The following BLZF1 variants were observed in gnomAD, a reference collection of about 807,000 sequenced individuals.
BLZF1 encodes the protein golgin-45.
In BLZF1, 39 loss-of-function variants were observed where a neutral mutation model predicts 43.8. That is an observed-to-expected ratio of 0.89 (90% CI 0.69 to 1.16). The LOEUF is 1.16. BLZF1 is among the 50% of genes most tolerant of loss of function. BLZF1 has a pLI of 0.00. For synonymous variants in BLZF1, 136 were observed against 159.4 expected, an observed-to-expected ratio of 0.85 and a Z score of 1.11; for missense variants, 449 against 469.8, an observed-to-expected ratio of 0.96 and a Z score of 0.41.
chr1:169,386,941 T>G, intron 6 of BLZF1, 56 bp from the exon 7 acceptor site: 1 of 1,309,634 alleles, frequency 7.6e-7, no homozygotes, highest in South Asian at 1.4e-5. Flanking sequence ...CAATGAAATC[T>G]TAGGCTTTTA....
intron 2 of BLZF1, among the ~76,000 whole-genome samples, chr1:169,370,969 T>C (rs1356903929): frequency 1.3e-5 from 2 of 152,210 alleles, no homozygotes; most frequent in African/African-American, 4.8e-5. Flanking sequence ...GAGTTCTGCA[T>C]GCTAGAACCA....
intron 7 of BLZF1, among the ~76,000 whole-genome samples, chr1:169,394,227 T>C (rs1040386797): frequency 1.3e-5 from 2 of 152,206 alleles, no homozygotes; most frequent in African/African-American, 2.4e-5. Flanking sequence ...ATATAAAGCA[T>C]TTATAATACA....
At chr1:169,393,416 C>T (rs1362419538) in intron 7 of BLZF1, among the ~76,000 whole-genome samples, 2 of 151,192 alleles carry the variant, frequency 1.3e-5, no homozygotes, top group East Asian at 2.0e-4. Flanking sequence ...GGCGAAACCC[C>T]GTCTCTACTA....
At chr1:169,386,429 T>C (rs1654668253) in intron 6 of BLZF1, among the ~76,000 whole-genome samples, 1 of 152,000 alleles carries the variant, frequency 6.6e-6, no homozygotes, top group South Asian at 2.1e-4. Context: ...GTAAAAAAAC[T>C]GACCTCCTGG....
downstream of BLZF1, among the ~76,000 whole-genome samples, chr1:169,390,171 TC>T (rs1366261315): frequency 6.9e-6 from 1 of 144,050 alleles, no homozygotes; most frequent in Non-Finnish European, 1.5e-5. Context: ...GTGGCACACT[TC>T]TGCAACTGTT....
At position 169,382,345 on chromosome 1, in the gene BLZF1, TATC is replaced by T. The variant is rs1654551895; in HGVS notation, c.1017+67_1017+69del. 3 of 1,437,858 alleles carry T rather than the reference TATC, an allele frequency of 2.1e-6. No homozygotes were observed. The Admixed American group carries it at 5.5e-5, about 26-fold the overall frequency. 89.1% of individuals were successfully genotyped at this position (1,437,858 alleles called of 1,614,324 possible). On this transcript the variant is annotated intron_variant, in intron 6 of 6. Transcript: ENST00000367808. ...ACTGTCCTTTTACTGAAAGGTGACATATCATGGAAAGCATTTGGCATTAGGAAT... is the reference window on the plus strand; with the variant it reads ...ACTGTCCTTTTACTGAAAGGTGACATATGGAAAGCATTTGGCATTAGGAAT...
downstream of BLZF1, among the ~76,000 whole-genome samples, chr1:169,389,217 C>T (rs1654758109): frequency 6.6e-6 from 1 of 151,880 alleles, no homozygotes; most frequent in Non-Finnish European, 1.5e-5. Context: ...TTTCTTGAAC[C>T]TGGGAGGTGG....
rs1654029667 is a variant in BLZF1 at position 169,369,435 on chromosome 1, GATATTTTTAAAATTATTTCATATGC to G, written c.-50-34_-50-10del. The G allele has an allele frequency of 8.9e-7, 1 of 1,127,904 alleles. No individual in the cohort carries two copies. Among genetic ancestry groups the G allele is most frequent in the Non-Finnish European group, 1.3e-6 (1 of 781,756 alleles). 69.9% of individuals were successfully genotyped at this position (1,127,904 alleles called of 1,614,324 possible). A position where few individuals can be genotyped will look rare whatever the true frequency, so the allele number is the denominator to read the frequency against. Reference sequence around the variant, plus strand: ...TTGGAGGTACTCTATGTGTTTATATGATATTTTTAAAATTATTTCATATGCATACATTTCTAGGTTGTTCAGCAGA... The same window carrying G: ...TTGGAGGTACTCTATGTGTTTATATGATACATTTCTAGGTTGTTCAGCAGA... On this transcript the variant is annotated splice_polypyrimidine_tract_variant and intron_variant, in intron 1 of 6. Transcript: ENST00000367808.
At chr1:169,375,987 A>G (rs1001765014) in intron 2 of BLZF1, among the ~76,000 whole-genome samples, 3 of 152,058 alleles carry the variant, frequency 2.0e-5, no homozygotes, top group Non-Finnish European at 4.4e-5. Flanking sequence ...TGTAAGCAGG[A>G]CATAAACTGT....
At chr1:169,376,416 C>T (rs1252950075) in intron 2 of BLZF1, 124 bp from the exon 3 acceptor site, 4 of 809,750 alleles carry the variant, frequency 4.9e-6, no homozygotes, top group African/African-American at 1.8e-5. Flanking sequence ...ATTACTTTTT[C>T]TCTGATTTTT....
At chr1:169,369,640 C>A (rs1654039210) in intron 2 of BLZF1, 90 bp downstream of exon 2, 1 of 890,746 alleles carries the variant, frequency 1.1e-6, no homozygotes, top group Non-Finnish European at 1.8e-6. Flanking sequence ...TCTCATGGAC[C>A]CCCTTGGGAA....
intron 6 of BLZF1, among the ~76,000 whole-genome samples, chr1:169,385,897 C>T (rs1654651922): frequency 6.6e-6 from 1 of 152,114 alleles, no homozygotes; most frequent in Non-Finnish European, 1.5e-5. Context: ...TTTGAACAAG[C>T]CTTATATAAG....
rs66512221 is a variant in BLZF1 at position 169,374,141 on chromosome 1, G to T, written c.29-2399G>T. ...AGCACTTTGGGAGGCTGAGGCCAGA[G>T]AATTGCTTGAGCCTAGGATTTCAAG... is the stretch of plus-strand genomic sequence containing the variant. On this transcript the variant is annotated intron_variant, in intron 2 of 6. Coordinates refer to ENST00000367808, the MANE Select transcript of BLZF1 (RefSeq NM_001320973.2). Among the ~76,000 whole-genome samples, 8,690 of 148,832 alleles carry T rather than the reference G, an allele frequency of 0.058. 1,380 individuals carry two copies. The East Asian group carries it at 0.67, about 11-fold the overall frequency.
Position 169,387,247 on chromosome 1 carries a change from A to G in BLZF1, c.*65A>G. On this transcript the variant is annotated 3_prime_UTR_variant, in exon 7 of 7. Coordinates refer to ENST00000367808, the MANE Select transcript of BLZF1 (RefSeq NM_001320973.2). ...TACCCAAGAGTCATTATTATTTGGG[A>G]GCTGGGGTTCTTACAATGCTAGAAA... The G allele has an allele frequency of 6.9e-7, 1 of 1,450,454 alleles. No individual in the cohort carries two copies. Among genetic ancestry groups the G allele is most frequent in the Non-Finnish European group, 9.4e-7 (1 of 1,059,314 alleles). The allele number at this position is 1,450,454 out of a possible 1,614,324, so 89.8% of individuals were successfully genotyped here. A position where few individuals can be genotyped will look rare whatever the true frequency, so the allele number is the denominator to read the frequency against.
chr1:169,377,162 G>A (rs1654385203), intron 3 of BLZF1, 183 bp downstream of exon 3: 5 of 616,286 alleles, frequency 8.1e-6, no homozygotes, highest in Non-Finnish European at 8.6e-6. Flanking sequence ...TTTATATTGG[G>A]AACTTATACT....
chr1:169,381,293 G>T (rs2102015851), intron 5 of BLZF1, among the ~76,000 whole-genome samples: 1 of 151,978 alleles, frequency 6.6e-6, no homozygotes, highest in East Asian at 1.9e-4. Flanking sequence ...TAGATGAAAT[G>T]GACAAACTCC....
exon 8 of BLZF1, chr1:169,396,280 A>G (rs1298359169): frequency 6.6e-6 from 1 of 152,208 alleles, no homozygotes; most frequent in African/African-American, 2.4e-5. Flanking sequence ...GAGGCTGGGC[A>G]TGGTGGCTCA....
chr1:169,394,882 G>A, intron 7 of BLZF1: 1 of 570,816 alleles, frequency 1.8e-6, no homozygotes, highest in Non-Finnish European at 2.9e-6. Context: ...ACAACACTGT[G>A]AGAAAAAAAT....
At chr1:169,393,537 C>A (rs1192641218) in intron 7 of BLZF1, among the ~76,000 whole-genome samples, 1 of 148,012 alleles carries the variant, frequency 6.8e-6, no homozygotes, top group Non-Finnish European at 1.5e-5. Context: ...TTGCAGTGAG[C>A]TGAGATGTGC....
Sources: gnomAD v4.1 joint callset for allele counts (sites outside exome capture counted in the v4.1 genomes callset) on GRCh38, gnomAD v4.1.1 for gene constraint, MANE v1.5 for transcripts, NCBI Gene and HGNC (gene_info 2026-07-23, HGNC 2026-07-21) for gene names.